HIVEP3: variants seen among roughly 807,000 people sequenced by gnomAD.
HIVEP3 encodes the protein transcription factor HIVEP3.
HIVEP3 carries 49 observed loss-of-function variants against 152.8 expected under a neutral mutation model. The observed-to-expected ratio is 0.32, with a 90% CI of 0.26 to 0.41. The LOEUF (loss-of-function observed/expected upper bound fraction) is 0.41. Ranked by LOEUF, HIVEP3 falls within the 10% of genes least tolerant of loss-of-function variation. HIVEP3 has a pLI of 1.00. For missense variants in HIVEP3, 2,790 were observed against 3,103.3 expected, an observed-to-expected ratio of 0.90 and a Z score of 2.40; for synonymous variants, 1,269 against 1,289.0, an observed-to-expected ratio of 0.98 and a Z score of 0.33.
intron 2 of HIVEP3, among the ~76,000 whole-genome samples, chr1:41,679,949 G>T (rs1200137990): frequency 3.3e-5 from 5 of 152,190 alleles, no homozygotes; most frequent in Admixed American, 3.3e-4. Flanking sequence ...GGTCCACTTT[G>T]CTAAGGGTCT....
intron 5 of HIVEP3, among the ~76,000 whole-genome samples, chr1:41,553,866 C>T (rs1354020034): frequency 6.6e-6 from 1 of 152,246 alleles, no homozygotes; most frequent in East Asian, 1.9e-4. Flanking sequence ...GAGAGATCCA[C>T]TGTTAGTCTG....
intron 5 of HIVEP3, among the ~76,000 whole-genome samples, chr1:41,570,943 C>A (rs1281241339): frequency 6.6e-6 from 1 of 152,114 alleles, no homozygotes; most frequent in Non-Finnish European, 1.5e-5. Flanking sequence ...GGCCCTTCAG[C>A]CAAAGTATTT....
intron 1 of HIVEP3, among the ~76,000 whole-genome samples, chr1:41,899,082 G>A (rs1644578804): frequency 6.6e-6 from 1 of 152,204 alleles, no homozygotes; most frequent in Non-Finnish European, 1.5e-5. Context: ...AAACAAAACT[G>A]TTAAAAATAA....
At chr1:41,778,428 C>A (rs537935343) in intron 1 of HIVEP3, among the ~76,000 whole-genome samples, 3 of 152,316 alleles carry the variant, frequency 2.0e-5, no homozygotes, top group Admixed American at 2.0e-4. Flanking sequence ...CTGGCTACCA[C>A]GGGTCCCTGA....
chr1:41,824,225 A>G (rs377098400), intron 1 of HIVEP3, among the ~76,000 whole-genome samples: 6 of 152,240 alleles, frequency 3.9e-5, no homozygotes, highest in South Asian at 2.1e-4. Context: ...CTCATTCTGA[A>G]TGCTACACTC....
At chr1:41,795,521 A>G (rs1000678085) in intron 1 of HIVEP3, among the ~76,000 whole-genome samples, 4 of 152,226 alleles carry the variant, frequency 2.6e-5, no homozygotes, top group African/African-American at 7.2e-5. Flanking sequence ...ATTATTTGGA[A>G]GTGAGTCACT....
rs149396247 is a variant in HIVEP3, at chr1:41,511,243, G to A, written c.6429C>T (p.Pro2143=). ...GATGAGCAGGGCCGGGTGAGCAGGA[G>A]GGACTTCGGGACTCGGCCTTCTGCT... is the stretch of plus-strand genomic sequence containing the variant. ...SPWQKAESRS[P]SCSPGPAHPL... Residue 2143 remains proline, a synonymous_variant, in exon 9 of 9, where the codon CCC becomes CCT. Coordinates refer to ENST00000372583, the MANE Select transcript of HIVEP3 (RefSeq NM_024503.5). This position sits in a 1 kb window ranked among gnomAD's most constrained non-coding sequence, Gnocchi z 4.9. 1.8e-4 allele frequency: 287 copies of A among 1,608,304 alleles called. No homozygotes were observed. Among genetic ancestry groups the A allele is most frequent in the Non-Finnish European group, 2.4e-4 (281 of 1,176,710 alleles).
At chr1:41,714,815 T>G (rs1468907589) in intron 1 of HIVEP3, among the ~76,000 whole-genome samples, 4 of 152,204 alleles carry the variant, frequency 2.6e-5, no homozygotes, top group Non-Finnish European at 5.9e-5. Flanking sequence ...GGGCTAAGAA[T>G]AATATAAAAA....
At chr1:41,646,401 G>A (rs959381007) in intron 2 of HIVEP3, among the ~76,000 whole-genome samples, 6 of 152,170 alleles carry the variant, frequency 3.9e-5, no homozygotes, top group South Asian at 2.1e-4. Flanking sequence ...AGTTTCAGCC[G>A]GCAGAGGCAC....
intron 1 of HIVEP3, among the ~76,000 whole-genome samples, chr1:41,794,579 AC>A (rs1649880148): frequency 4.5e-5 from 6 of 134,820 alleles, no homozygotes; most frequent in Non-Finnish European, 1.0e-4. Context: ...TCACACCCTA[AC>A]AAACAAACAA....
Position 41,511,734 on chromosome 1 carries a change from A to G in HIVEP3, c.6406-468T>C, listed in dbSNP as rs1466515510. The stretch of plus-strand genomic sequence containing the variant: ...GTGAACCCAAAATTAAAAATCAAGG[A>G]AAGATTCCTAGATCAGTGTTCCTCC... On this transcript the variant is annotated intron_variant, in intron 8 of 8. Transcript: ENST00000372583. This position sits in a 1 kb window ranked among gnomAD's most constrained non-coding sequence, Gnocchi z 4.9. Among the ~76,000 whole-genome samples the G allele has an allele frequency of 2.0e-5, 3 of 152,202 alleles. No individual in the cohort carries two copies. The highest frequency in any genetic ancestry group is 4.4e-5 in the Non-Finnish European group (3 of 68,038).
intron 3 of HIVEP3, among the ~76,000 whole-genome samples, chr1:41,588,955 C>T (rs2149113530): frequency 6.6e-6 from 1 of 152,264 alleles, no homozygotes; most frequent in East Asian, 1.9e-4. Flanking sequence ...GGGGAACCTG[C>T]AGGACCTAAG....
intron 2 of HIVEP3, among the ~76,000 whole-genome samples, chr1:41,657,927 T>C (rs1310398761): frequency 6.6e-6 from 1 of 152,172 alleles, no homozygotes; most frequent in East Asian, 1.9e-4. Flanking sequence ...CTGGCTGGGC[T>C]TCTCATCCCA....
intron 2 of HIVEP3, among the ~76,000 whole-genome samples, chr1:41,641,451 C>T (rs1306383281): frequency 6.6e-6 from 1 of 152,234 alleles, no homozygotes; most frequent in African/African-American, 2.4e-5. Context: ...CCCCATCTTC[C>T]ACCCCATCCC....
At position 41,850,743 on chromosome 1, in the gene HIVEP3, T is replaced by C. The variant is rs142137155; in HGVS notation, c.-801+67670A>G. ...GAGTCCACTGCCTAGAACTCAGAAC[T>C]GGTTTTCTCAGAAATCCCATAGCAC... On this transcript the variant is annotated intron_variant, in intron 1 of 8. Coordinates refer to ENST00000372583, the MANE Select transcript of HIVEP3 (RefSeq NM_024503.5). Among the ~76,000 whole-genome samples the C allele has an allele frequency of 4.7e-3, 717 of 152,340 alleles. 3 individuals carry two copies. Among genetic ancestry groups the C allele is most frequent in the African/African-American group, 0.016 (680 of 41,584 alleles).
At chr1:41,729,063 G>A (rs1309194227) in intron 1 of HIVEP3, among the ~76,000 whole-genome samples, 4 of 152,160 alleles carry the variant, frequency 2.6e-5, no homozygotes, top group East Asian at 1.9e-4. Flanking sequence ...CCTTGGCCAC[G>A]TGCTTCCCCC....
chr1:41,802,089 G>A (rs1265909142), intron 1 of HIVEP3, among the ~76,000 whole-genome samples: 1 of 152,222 alleles, frequency 6.6e-6, no homozygotes, highest in Non-Finnish European at 1.5e-5. Flanking sequence ...CTCAATGCTG[G>A]ACTGGTATCA....
chr1:41,890,378 T>G (rs1181507631), intron 1 of HIVEP3, among the ~76,000 whole-genome samples: 1 of 152,138 alleles, frequency 6.6e-6, no homozygotes, highest in African/African-American at 2.4e-5. Context: ...ATGAGGGACC[T>G]GGAATCCAGG....
intron 3 of HIVEP3, among the ~76,000 whole-genome samples, chr1:41,620,042 C>G (rs1361511873): frequency 6.6e-6 from 1 of 152,102 alleles, no homozygotes; most frequent in Non-Finnish European, 1.5e-5. Flanking sequence ...CTTTGAATAT[C>G]TGTTGAATGA....
Sources: gnomAD v4.1 joint callset for allele counts (sites outside exome capture counted in the v4.1 genomes callset) on GRCh38, gnomAD v4.1.1 for gene constraint, Gnocchi (gnomAD v3.1) non-coding constraint, MANE v1.5 for transcripts, NCBI Gene and HGNC (gene_info 2026-07-23, HGNC 2026-07-21) for gene names.